LRP1B: variants seen among roughly 807,000 people sequenced by gnomAD.
The protein encoded by LRP1B is low-density lipoprotein receptor-related protein 1B.
Under a neutral mutation model 556.6 loss-of-function variants are expected in LRP1B, and 217 were observed. That is an observed-to-expected ratio of 0.39 (90% CI 0.35 to 0.44). The LOEUF is 0.44. Among genes scored for constraint, LRP1B ranks in the 20% least tolerant of loss-of-function variants. LRP1B has a pLI of 1.00. For missense variants in LRP1B, 5,053 were observed against 5,620.8 expected, an observed-to-expected ratio of 0.90 and a Z score of 3.23; for synonymous variants, 2,047 against 1,865.8, an observed-to-expected ratio of 1.10 and a Z score of -2.50.
intron 7 of LRP1B, among the ~76,000 whole-genome samples, chr2:141,078,773 A>G (rs1699854539): frequency 6.6e-6 from 1 of 152,228 alleles, no homozygotes; most frequent in Non-Finnish European, 1.5e-5. Context: ...GAATTTACAA[A>G]TGGTAAACAA....
chr2:141,418,893 T>A (rs1680035130), intron 3 of LRP1B, among the ~76,000 whole-genome samples: 1 of 152,128 alleles, frequency 6.6e-6, no homozygotes, highest in African/African-American at 2.4e-5. Flanking sequence ...CATTATTTTT[T>A]AATTTTTTGC....
chr2:140,837,038 T>C (rs1223781343), intron 31 of LRP1B, among the ~76,000 whole-genome samples: 1 of 152,222 alleles, frequency 6.6e-6, no homozygotes, highest in Non-Finnish European at 1.5e-5. Flanking sequence ...TTATTTTCAC[T>C]AAACTCACTT....
chr2:141,847,623 C>T (rs1057507967), intron 1 of LRP1B, among the ~76,000 whole-genome samples: 1 of 151,152 alleles, frequency 6.6e-6, no homozygotes, highest in African/African-American at 2.4e-5. Context: ...GAATAAAAAG[C>T]CTTAAGACCA....
At chr2:141,442,909 T>C (rs1232467812) in intron 3 of LRP1B, among the ~76,000 whole-genome samples, 2 of 152,222 alleles carry the variant, frequency 1.3e-5, no homozygotes, top group Non-Finnish European at 2.9e-5. Flanking sequence ...TGTGTCTTCA[T>C]AGTAGAATGA....
At chr2:141,798,705 C>CAAAAA (rs151310050) in intron 2 of LRP1B, among the ~76,000 whole-genome samples, 4 of 62,106 alleles carry the variant, frequency 6.4e-5, no homozygotes, top group East Asian at 4.4e-4. Context: ...GACTCTGTCT[C>CAAAAA]AAAAAAAAAA....
intron 41 of LRP1B, among the ~76,000 whole-genome samples, chr2:140,672,853 T>C (rs1422564626): frequency 6.6e-6 from 1 of 152,162 alleles, no homozygotes; most frequent in East Asian, 1.9e-4. Context: ...ACACAGGTAT[T>C]TCCAAGATAA....
At position 141,188,882 on chromosome 2, in the gene LRP1B, T is replaced by G. The variant is rs1681376414; in HGVS notation, c.851-299A>C. 2.6e-5 allele frequency among the ~76,000 whole-genome samples: 4 copies of G among 152,014 alleles called. No homozygotes were observed. The South Asian group carries it at 8.3e-4, about 32-fold the overall frequency. On this transcript the variant is annotated intron_variant, in intron 6 of 90. Coordinates refer to ENST00000389484, the MANE Select transcript of LRP1B (RefSeq NM_018557.3). ...AGAATGTAATCTCTTACTTTTTGCA[T>G]TTGTCCAAAATAGTTCATTCGATGG...
In LRP1B at chr2:141,628,957, T is replaced by A. The variant is rs951866457; in HGVS notation, c.206-148424A>T. 2.6e-5 allele frequency among the ~76,000 whole-genome samples: 4 copies of A among 152,198 alleles called. No homozygotes were observed. The East Asian group carries it at 5.8e-4, about 22-fold the overall frequency. On this transcript the variant is annotated intron_variant, in intron 2 of 90. Transcript: ENST00000389484. The stretch of plus-strand genomic sequence containing the variant: ...AGCCACTGCACCCAGGCTGAACAAG[T>A]GTTGTATGAGGATGTAGATACATTA...
chr2:140,797,943 T>C (rs555082233), intron 32 of LRP1B, among the ~76,000 whole-genome samples: 1 of 152,300 alleles, frequency 6.6e-6, no homozygotes, highest in African/African-American at 2.4e-5. Flanking sequence ...CTTCAGATTT[T>C]TGCTCAACTG....
At chr2:141,895,073 A>G (rs992315615) in intron 1 of LRP1B, among the ~76,000 whole-genome samples, 1 of 151,316 alleles carries the variant, frequency 6.6e-6, no homozygotes, top group African/African-American at 2.4e-5. Flanking sequence ...AAAAGAAAAG[A>G]AAAACAAGAA....
At chr2:141,445,533 C>T (rs1282279403) in intron 3 of LRP1B, among the ~76,000 whole-genome samples, 1 of 152,186 alleles carries the variant, frequency 6.6e-6, no homozygotes, top group Non-Finnish European at 1.5e-5. Flanking sequence ...AATTTTAGAT[C>T]TTTCCTGCTT....
At chr2:140,521,156 T>A (rs541872205) in intron 49 of LRP1B, among the ~76,000 whole-genome samples, 22 of 152,124 alleles carry the variant, frequency 1.4e-4, no homozygotes, top group Non-Finnish European at 1.3e-4. Context: ...ATATCCCCAA[T>A]CTTGCTAGAG....
At chr2:140,869,380 T>G (rs1693054297) in intron 25 of LRP1B, among the ~76,000 whole-genome samples, 1 of 152,182 alleles carries the variant, frequency 6.6e-6, no homozygotes, top group African/African-American at 2.4e-5. Flanking sequence ...GGAAAAGAGC[T>G]GTAACACTCC....
intron 66 of LRP1B, among the ~76,000 whole-genome samples, chr2:140,435,778 A>T (rs1050610150): frequency 4.6e-5 from 7 of 152,134 alleles, no homozygotes; most frequent in African/African-American, 1.7e-4. Flanking sequence ...GAAAAACCTA[A>T]TATGTTCATT....
At chr2:140,731,110 C>A (rs1559082489) in intron 35 of LRP1B, among the ~76,000 whole-genome samples, 1 of 152,182 alleles carries the variant, frequency 6.6e-6, no homozygotes, top group East Asian at 1.9e-4. Flanking sequence ...ATTACTCAGA[C>A]ATTAAGACTC....
At chr2:141,894,304 C>T (rs1699371811) in intron 1 of LRP1B, among the ~76,000 whole-genome samples, 1 of 151,990 alleles carries the variant, frequency 6.6e-6, no homozygotes, top group Non-Finnish European at 1.5e-5. Context: ...AGTCTCAAAA[C>T]TGCCTCTAAA....
intron 27 of LRP1B, 133 bp downstream of exon 27, chr2:140,867,457 C>A: frequency 4.4e-6 from 4 of 909,162 alleles, no homozygotes; most frequent in South Asian, 3.9e-5. Context: ...AGGTTGAAAC[C>A]ACTTCCCTCA....
intron 2 of LRP1B, among the ~76,000 whole-genome samples, chr2:141,796,087 C>T (rs185523852): frequency 1.8e-4 from 27 of 151,428 alleles, no homozygotes; most frequent in African/African-American, 6.5e-4. Context: ...GCCTAGAACA[C>T]ATATCTAATT....
intron 3 of LRP1B, among the ~76,000 whole-genome samples, chr2:141,455,980 G>C (rs1681614627): frequency 6.6e-6 from 1 of 152,270 alleles, no homozygotes. Context: ...AAGGTTTGAG[G>C]CTCCTCTATC....
Sources: gnomAD v4.1 joint callset for allele counts (sites outside exome capture counted in the v4.1 genomes callset) on GRCh38, gnomAD v4.1.1 for gene constraint, MANE v1.5 for transcripts, NCBI Gene and HGNC (gene_info 2026-07-23, HGNC 2026-07-21) for gene names.